Variants in ZNF469 observed in about 807,000 individuals in gnomAD.
The protein encoded by ZNF469 is zinc finger protein 469.
In ZNF469, 1 loss-of-function variant was observed where a neutral mutation model predicts 1.0. The observed-to-expected ratio is 1.00, with a 90% CI of 0.35 to 4.73. The LOEUF (loss-of-function observed/expected upper bound fraction) is 4.73, where lower values mean the gene tolerates loss of function less well. Among genes scored for constraint, ZNF469 ranks in the 30% most tolerant of loss-of-function variants. ZNF469 has a pLI of 0.16. For missense variants in ZNF469, 6,100 were observed against 5,356.3 expected (o/e 1.14, Z -4.33); for synonymous variants, 2,703 against 2,363.4 (o/e 1.14, Z -4.17).
At chr16:88,208,422 G>A in the ZNF469 span, among the ~76,000 whole-genome samples, 4 of 147,494 alleles carry the variant, frequency 2.7e-5, no homozygotes, top group East Asian at 2.0e-4. Flanking sequence ...GGGGTGCCTC[G>A]GTGTCCAGGG....
At chr16:88,120,586 C>T in the ZNF469 span, among the ~76,000 whole-genome samples, 1 of 152,220 alleles carries the variant, frequency 6.6e-6, no homozygotes, top group African/African-American at 2.4e-5. Context: ...AGCAGGGAGG[C>T]GAGAGCCCTC....
chr16:88,279,483 C>T, the ZNF469 span, among the ~76,000 whole-genome samples: 6 of 148,836 alleles, frequency 4.0e-5, no homozygotes, highest in Non-Finnish European at 7.4e-5. Context: ...CGGTCAGTAC[C>T]GTGTAGATAT....
At chr16:88,404,524 A>AT (rs1904973321) in intron 1 of ZNF469, among the ~76,000 whole-genome samples, 1 of 152,194 alleles carries the variant, frequency 6.6e-6, no homozygotes. Context: ...GGCAGCTGTC[A>AT]TGGCTGAGCC....
the ZNF469 span, among the ~76,000 whole-genome samples, chr16:88,133,167 C>A: frequency 0.033 from 5,089 of 152,092 alleles, no homozygotes; most frequent in African/African-American, 0.11. Context: ...CACAGCACCT[C>A]ACTCGGGAAG....
At chr16:88,229,633 T>C in the ZNF469 span, among the ~76,000 whole-genome samples, 2 of 135,792 alleles carry the variant, frequency 1.5e-5, no homozygotes, top group African/African-American at 2.6e-5. Context: ...CGTGTGGATG[T>C]CACGTGTGTG....
the ZNF469 span, among the ~76,000 whole-genome samples, chr16:88,221,809 G>A: frequency 2.0e-5 from 3 of 152,194 alleles, no homozygotes; most frequent in Non-Finnish European, 4.4e-5. Context: ...CCCAGCTGCT[G>A]CTGGCCCCTA....
At chr16:88,213,089 C>T in the ZNF469 span, among the ~76,000 whole-genome samples, 8 of 151,406 alleles carry the variant, frequency 5.3e-5, no homozygotes, top group Admixed American at 3.9e-4. Context: ...GTTTTGATTC[C>T]GTATTCTGTT....
the ZNF469 span, among the ~76,000 whole-genome samples, chr16:88,174,734 G>C: frequency 2.7e-5 from 4 of 149,594 alleles, no homozygotes; most frequent in Non-Finnish European, 3.0e-5. Context: ...TCTTCCTTAT[G>C]GTTATAATAT....
In ZNF469 at chr16:88,427,826, G is replaced by A. The variant is rs759962057; in HGVS notation, c.356G>A (p.Arg119His). ...AGRAEGSPPQ[R>H]YILGIASSRT... is the part of the protein sequence containing the mutation. ...AGGGCAGAGGGCAGCCCCCCACAGC[G>A]CTACATTCTGGGCATCGCCAGCTCG... Residue 119 changes from arginine (R) to histidine (H), a missense_variant, in exon 3 of 3, where the codon CGC becomes CAC. By Grantham distance (29) the Arg-to-His change is conservative. Transcript: ENST00000565624. The A allele has an allele frequency of 3.9e-5, 60 of 1,548,490 alleles. No homozygotes were observed. The South Asian group carries it at 4.0e-4, about 10-fold the overall frequency.
the ZNF469 span, among the ~76,000 whole-genome samples, chr16:88,305,522 ACACACACGCTCACAGG>A: frequency 2.0e-5 from 3 of 147,640 alleles, no homozygotes; most frequent in African/African-American, 2.5e-5. Flanking sequence ...ACACACATGC[ACACACACGCTCACAGG>A]CACACATGTG....
At chr16:88,205,555 T>C in the ZNF469 span, among the ~76,000 whole-genome samples, 1 of 152,156 alleles carries the variant, frequency 6.6e-6, no homozygotes, top group Admixed American at 6.5e-5. This position sits in a 1 kb window ranked among gnomAD's most constrained non-coding sequence, Gnocchi z 4.2. Flanking sequence ...ATCCTGAAAG[T>C]GGAATGAACA....
chr16:88,181,109 C>T, the ZNF469 span, among the ~76,000 whole-genome samples: 88 of 148,738 alleles, frequency 5.9e-4, no homozygotes, highest in African/African-American at 1.9e-3. Context: ...GTCTCGCTGT[C>T]GCCCAGGCTG....
the ZNF469 span, among the ~76,000 whole-genome samples, chr16:88,142,087 C>T: frequency 1.3e-5 from 2 of 152,228 alleles, no homozygotes; most frequent in East Asian, 3.9e-4. Flanking sequence ...CCACAGCGGC[C>T]AGGATCTCAA....
chr16:88,190,386 G>A, the ZNF469 span, among the ~76,000 whole-genome samples: 4 of 152,270 alleles, frequency 2.6e-5, no homozygotes, highest in Middle Eastern at 3.2e-3. Flanking sequence ...CATGCACCCG[G>A]CACCACACCA....
chr16:88,170,634 T>C, the ZNF469 span, among the ~76,000 whole-genome samples: 1 of 152,180 alleles, frequency 6.6e-6, no homozygotes, highest in Non-Finnish European at 1.5e-5. The surrounding 1 kb of genome is among the most constrained non-coding windows in gnomAD (Gnocchi z 4.2). Context: ...TTAAAGGCTG[T>C]AGCATGCTCC....
At chr16:88,366,497 CCAT>C in the ZNF469 span, among the ~76,000 whole-genome samples, 2 of 120,458 alleles carry the variant, frequency 1.7e-5, no homozygotes, top group African/African-American at 6.3e-5. Flanking sequence ...ATCACCACCA[CCAT>C]CACCATCACT....
At chr16:88,124,923 T>A in the ZNF469 span, among the ~76,000 whole-genome samples, 1 of 152,270 alleles carries the variant, frequency 6.6e-6, no homozygotes, top group African/African-American at 2.4e-5. Flanking sequence ...TCAGTCTTTT[T>A]AAAATACTTT....
the ZNF469 span, among the ~76,000 whole-genome samples, chr16:88,319,564 A>G: frequency 3.0e-3 from 453 of 152,308 alleles, 2 homozygotes; most frequent in African/African-American, 0.01. Flanking sequence ...GAGGGGAAGC[A>G]GCGGGGCCAC....
the ZNF469 span, chr16:88,235,050 C>G: frequency 6.6e-6 from 1 of 152,222 alleles, no homozygotes; most frequent in East Asian, 1.9e-4. Flanking sequence ...AAGCTCGGGT[C>G]CTGCAGGGCC....
Sources: allele counts gnomAD v4.1 joint callset (sites outside exome capture counted in the v4.1 genomes callset), GRCh38; gene constraint gnomAD v4.1.1; non-coding constraint Gnocchi (gnomAD v3.1); transcripts MANE v1.5; gene names NCBI Gene and HGNC (gene_info 2026-07-23, HGNC 2026-07-21).